Variants in CRTAP observed in about 807,000 individuals in gnomAD.
CRTAP encodes cartilage-associated protein.
CRTAP carries 33 observed loss-of-function variants against 42.7 expected under a neutral mutation model. The observed-to-expected ratio is 0.77, with a 90% CI of 0.59 to 1.03. The LOEUF (loss-of-function observed/expected upper bound fraction) is 1.03. CRTAP is among the 50% of genes least tolerant of loss of function. CRTAP has a pLI of 0.00. For synonymous variants in CRTAP, 243 were observed against 217.7 expected (o/e 1.12, Z -1.02); for missense variants, 613 against 533.9 (o/e 1.15, Z -1.46).
chr3:33,118,570 C>T (rs1259768714), intron 1 of CRTAP, among the ~76,000 whole-genome samples: 1 of 152,204 alleles, frequency 6.6e-6, no homozygotes, highest in Non-Finnish European at 1.5e-5. Context: ...AATTCGGTAC[C>T]GATATATGCC....
rs1205896476 is a variant in CRTAP, at chr3:33,146,625, AAG to A, written c.*4182_*4183del. On this transcript the variant is annotated 3_prime_UTR_variant, in exon 7 of 7. Coordinates refer to ENST00000320954, the MANE Select transcript of CRTAP (RefSeq NM_006371.5). Reference sequence around the variant, plus strand: ...GTTGTGCTCACCTCTGGAATTCAGAAAGAGAGCCACTGCGAGCACTGACCACA... The same window carrying A: ...GTTGTGCTCACCTCTGGAATTCAGAAAGAGCCACTGCGAGCACTGACCACA... 1 of 152,246 alleles carries A rather than the reference AAG, an allele frequency of 6.6e-6. No homozygotes were observed. The highest frequency in any genetic ancestry group is 2.4e-5 in the African/African-American group (1 of 41,464). 9.4% of individuals were successfully genotyped at this position (152,246 alleles called of 1,614,324 possible). A position where few individuals can be genotyped will look rare whatever the true frequency, so the allele number is the denominator to read the frequency against.
At chr3:33,129,344 G>T (rs2030169099) in intron 3 of CRTAP, among the ~76,000 whole-genome samples, 1 of 151,848 alleles carries the variant, frequency 6.6e-6, no homozygotes, top group South Asian at 2.1e-4. Flanking sequence ...ATTATTTTGG[G>T]GGTAATTGTA....
chr3:33,114,239 G>C lies in CRTAP; in HGVS notation c.162G>C (p.Lys54Asn), dbSNP rs753943184. 33 of 1,590,812 alleles carry C rather than the reference G, an allele frequency of 2.1e-5. No individual in the cohort carries two copies. The highest frequency in any genetic ancestry group is 3.4e-4 in the Middle Eastern group (2 of 5,948). Residue 54 changes from lysine to asparagine, a missense_variant, in exon 1 of 7, where the codon AAG becomes AAC. By Grantham distance (94) the Lys-to-Asn change is moderately conservative. Transcript: ENST00000320954. Reference protein sequence around the residue: ...LESAYRHALDKYSGEHWAESV... With the variant: ...LESAYRHALDNYSGEHWAESV... ...CGGCCTACCGGCACGCGCTGGACAA[G>C]TACAGCGGCGAGCACTGGGCCGAGA...
intron 6 of CRTAP, among the ~76,000 whole-genome samples, chr3:33,138,333 G>T (rs1418645439): frequency 6.6e-6 from 1 of 152,046 alleles, no homozygotes. Context: ...AAATCTCTTT[G>T]GGGAGTATTG....
At chr3:33,119,027 C>T (rs1221462909) in intron 1 of CRTAP, among the ~76,000 whole-genome samples, 1 of 152,138 alleles carries the variant, frequency 6.6e-6, no homozygotes, top group African/African-American at 2.4e-5. Flanking sequence ...AGCTCCTCTC[C>T]AATTTCTTTC....
At chr3:33,133,422 C>G (rs761099091) in intron 5 of CRTAP, among the ~76,000 whole-genome samples, 27 of 152,022 alleles carry the variant, frequency 1.8e-4, no homozygotes, top group Non-Finnish European at 2.8e-4. Flanking sequence ...ACATATCACA[C>G]TAATTTTTGT....
At chr3:33,129,601 G>A (rs1231330713) in intron 3 of CRTAP, among the ~76,000 whole-genome samples, 9 of 143,828 alleles carry the variant, frequency 6.3e-5, no homozygotes, top group Non-Finnish European at 1.2e-4. Flanking sequence ...GCAGTGGCGC[G>A]ATCTCGGCTC....
intron 6 of CRTAP, among the ~76,000 whole-genome samples, chr3:33,137,255 T>G (rs2030447927): frequency 6.6e-6 from 1 of 152,132 alleles, no homozygotes; most frequent in Non-Finnish European, 1.5e-5. Flanking sequence ...ATTCCCTGCC[T>G]CAGCCATCCT....
chr3:33,116,174 G>A (rs1334501009), intron 1 of CRTAP, among the ~76,000 whole-genome samples: 11 of 152,106 alleles, frequency 7.2e-5, no homozygotes, highest in African/African-American at 2.7e-4. Context: ...AGATGAATTT[G>A]AACAAGTGTT....
intron 6 of CRTAP, among the ~76,000 whole-genome samples, chr3:33,137,128 T>C (rs2030442925): frequency 6.6e-6 from 1 of 152,138 alleles, no homozygotes. Flanking sequence ...GGTTCTGACT[T>C]CCACTTTCTG....
chr3:33,118,314 G>A (rs1458370435), intron 1 of CRTAP, among the ~76,000 whole-genome samples: 1 of 152,114 alleles, frequency 6.6e-6, no homozygotes, highest in South Asian at 2.1e-4. Flanking sequence ...AATTTCACTG[G>A]CAAATGCTTT....
At chr3:33,129,619 G>C (rs1408963593) in intron 3 of CRTAP, among the ~76,000 whole-genome samples, 1 of 142,690 alleles carries the variant, frequency 7.0e-6, no homozygotes, top group Non-Finnish European at 1.5e-5. Flanking sequence ...CTCACTGCAA[G>C]CTCCACCTTC....
At position 33,145,118 on chromosome 3, in the gene CRTAP, A is replaced by T. The variant is rs1390640269; in HGVS notation, c.*2670A>T. 2 of 152,332 alleles carry T rather than the reference A, an allele frequency of 1.3e-5. No individual in the cohort carries two copies. The highest frequency in any genetic ancestry group is 4.8e-5 in the African/African-American group (2 of 41,444). The allele number at this position is 152,332 out of a possible 1,614,324, so 9.4% of individuals were successfully genotyped here. A position where few individuals can be genotyped will look rare whatever the true frequency, so the allele number is the denominator to read the frequency against. ...CTTCCCTTATCCCCCAGAACACTCT[A>T]CCAACCTCGGGGAACTCGGGCACAT... On this transcript the variant is annotated 3_prime_UTR_variant, in exon 7 of 7. Transcript: ENST00000320954. This position sits in a 1 kb window ranked among gnomAD's most constrained non-coding sequence, Gnocchi z 4.3.
intron 6 of CRTAP, among the ~76,000 whole-genome samples, chr3:33,134,710 CT>C (rs2030371486): frequency 6.6e-6 from 1 of 152,172 alleles, no homozygotes; most frequent in African/African-American, 2.4e-5. Flanking sequence ...CTGATTCCAC[CT>C]TACTCAGCTG....
rs59622575 is a variant in CRTAP at position 33,120,757 on chromosome 3, A to C, written c.621+264A>C. Among the ~76,000 whole-genome samples the C allele has an allele frequency of 0.18, 27,975 of 152,180 alleles. 3,779 individuals carry two copies. Among genetic ancestry groups the C allele is most frequent in the East Asian group, 0.58 (3,000 of 5,180 alleles). On this transcript the variant is annotated intron_variant, in intron 2 of 6. Transcript: ENST00000320954. ...GGTCATTTAATTATTTAGTTTTAAG[A>C]GGGTAGATTAAAGACATATCTTGGA...
chr3:33,125,840 C>G (rs1394123370), intron 3 of CRTAP, among the ~76,000 whole-genome samples: 1 of 152,146 alleles, frequency 6.6e-6, no homozygotes, highest in East Asian at 1.9e-4. Context: ...TAAACAGTGT[C>G]CCAATCATTT....
intron 6 of CRTAP, among the ~76,000 whole-genome samples, chr3:33,139,638 G>A (rs770392665): frequency 6.6e-6 from 1 of 151,954 alleles, no homozygotes; most frequent in Non-Finnish European, 1.5e-5. Context: ...CACCACACCC[G>A]GGTAATTTTT....
chr3:33,127,439 T>TTTATTTATTTATTTATTTATTTATTTA (rs2030107250), intron 3 of CRTAP, among the ~76,000 whole-genome samples: 1 of 151,600 alleles, frequency 6.6e-6, no homozygotes. Context: ...ATTGTTATTA[T>TTTATTTATTTATTTATTTATTTATTTA]TTTATTTATT....
chr3:33,134,155 A>G (rs2030352880), intron 5 of CRTAP, 27 bp from the exon 6 acceptor site: 1 of 1,544,774 alleles, frequency 6.5e-7, no homozygotes, highest in Non-Finnish European at 9.0e-7. Flanking sequence ...TTGGTCCTAT[A>G]AACTGTTCTC....
Sources: allele counts gnomAD v4.1 joint callset (sites outside exome capture counted in the v4.1 genomes callset), GRCh38; gene constraint gnomAD v4.1.1; non-coding constraint Gnocchi (gnomAD v3.1); transcripts MANE v1.5; gene names NCBI Gene and HGNC (gene_info 2026-07-23, HGNC 2026-07-21).